TLK2: variants seen among roughly 807,000 people sequenced by gnomAD.
TLK2 encodes the protein tousled like kinase 2, also known as serine/threonine-protein kinase tousled-like 2.
A neutral mutation model predicts 117.3 loss-of-function variants in TLK2; 6 were observed. The observed-to-expected ratio is 0.05, with a 90% confidence interval of 0.03 to 0.10. TLK2 has a LOEUF of 0.10. TLK2 is among the 10% of genes least tolerant of loss of function. The probability of loss-of-function intolerance (pLI) is 1.00; values close to 1 mark genes in which losing one functional copy is unlikely to be tolerated. For missense variants in TLK2, 299 were observed against 901.2 expected, an observed-to-expected ratio of 0.33 and a Z score of 8.56; for synonymous variants, 257 against 316.7, an observed-to-expected ratio of 0.81 and a Z score of 2.00.
intron 7 of TLK2, among the ~76,000 whole-genome samples, chr17:62,549,365 C>T (rs2078206531): frequency 2.1e-5 from 2 of 97,338 alleles, no homozygotes; most frequent in East Asian, 7.3e-4. Flanking sequence ...TGCCACTACA[C>T]TCCAGCCTAA....
Position 62,592,635 on chromosome 17 carries a change from T to C in TLK2, c.1461-3950T>C, listed in dbSNP as rs1054317833. 2.2e-4 allele frequency among the ~76,000 whole-genome samples: 33 copies of C among 152,330 alleles called. 1 individual carries two copies. Among genetic ancestry groups the C allele is most frequent in the Admixed American group, 2.0e-3 (30 of 15,304 alleles). ...TGTAGGCCAGTGGTTTCCAGCCTTT[T>C]TGGCACCAGCGACCGGTTTTGTGGA... On this transcript the variant is annotated intron_variant, in intron 16 of 21. Coordinates refer to ENST00000346027, the MANE Select transcript of TLK2 (RefSeq NM_006852.6).
At chr17:62,487,848 T>C (rs1399932424) in intron 2 of TLK2, among the ~76,000 whole-genome samples, 1 of 151,976 alleles carries the variant, frequency 6.6e-6, no homozygotes, top group African/African-American at 2.4e-5. Flanking sequence ...TTCTTGAACT[T>C]CCGACCTCAA....
chr17:62,515,415 A>G (rs1300000912), intron 2 of TLK2, among the ~76,000 whole-genome samples: 11 of 152,204 alleles, frequency 7.2e-5, no homozygotes, highest in Non-Finnish European at 1.5e-4. Context: ...CATAGTGGCT[A>G]TGCCATTTTA....
chr17:62,546,129 G>A (rs1235434594), intron 7 of TLK2, among the ~76,000 whole-genome samples: 2 of 151,948 alleles, frequency 1.3e-5, no homozygotes, highest in Admixed American at 6.6e-5. Context: ...TGATCTGCCC[G>A]CCTTGGCCTC....
intron 17 of TLK2, 73 bp downstream of exon 17, chr17:62,596,747 T>A: frequency 7.5e-7 from 1 of 1,341,398 alleles, no homozygotes; most frequent in Non-Finnish European, 1.1e-6. Context: ...GGAATAGAGC[T>A]GAACTCTGGG....
chr17:62,595,969 G>A (rs937736674), intron 16 of TLK2, among the ~76,000 whole-genome samples: 9 of 152,210 alleles, frequency 5.9e-5, no homozygotes, highest in Admixed American at 1.3e-4. Context: ...TAAAATCTAT[G>A]ATACTTGAGT....
Position 62,586,157 on chromosome 17 carries a change from G to A in TLK2, c.1391G>A (p.Arg464Lys), listed in dbSNP as rs765234207. The change falls in exon 16 of 22, where the codon AGA becomes AAA. Residue 464 changes from arginine (R) to lysine (K), a missense_variant. Arg to Lys is a conservative substitution (Grantham distance 26). Transcript: ENST00000346027. Reference protein sequence around the residue: ...VYKAFDLTEQRYVAVKIHQLN... With the variant: ...VYKAFDLTEQKYVAVKIHQLN... ...TAGGCATTTGATCTAACAGAGCAAA[G>A]ATACGTAGCTGTGAAAATTCACCAG... The A allele has an allele frequency of 6.2e-7, 1 of 1,613,550 alleles. No individual in the cohort carries two copies. Among genetic ancestry groups the A allele is most frequent in the Non-Finnish European group, 8.5e-7 (1 of 1,179,728 alleles).
chr17:62,538,784 T>C (rs1237363009), intron 7 of TLK2, among the ~76,000 whole-genome samples: 1 of 152,250 alleles, frequency 6.6e-6, no homozygotes, highest in African/African-American at 2.4e-5. Context: ...GGTACAGTTT[T>C]GTTTCTCTTT....
chr17:62,553,937 C>G (rs890078923), intron 9 of TLK2, among the ~76,000 whole-genome samples, 182 bp downstream of exon 9: 1 of 152,092 alleles, frequency 6.6e-6, no homozygotes, highest in African/African-American at 2.4e-5. Context: ...TAAACACTAC[C>G]TTTAAATTGG....
intron 13 of TLK2, among the ~76,000 whole-genome samples, chr17:62,578,058 A>T (rs1473460368): frequency 6.6e-6 from 1 of 152,232 alleles, no homozygotes; most frequent in Non-Finnish European, 1.5e-5. Flanking sequence ...AAAAAATAAA[A>T]ATAAGTAGAA....
At chr17:62,494,661 C>A (rs2073464769) in intron 2 of TLK2, among the ~76,000 whole-genome samples, 1 of 152,152 alleles carries the variant, frequency 6.6e-6, no homozygotes, top group Non-Finnish European at 1.5e-5. Flanking sequence ...GCCTTGGCCT[C>A]CCAAAGTGCT....
intron 2 of TLK2, among the ~76,000 whole-genome samples, chr17:62,487,923 G>A (rs2072638868): frequency 6.9e-6 from 1 of 144,860 alleles, no homozygotes; most frequent in Non-Finnish European, 1.5e-5. Flanking sequence ...GCGCCCGGCG[G>A]CAAGTATCTT....
At position 62,553,822 on chromosome 17, in the gene TLK2, A is replaced by G. The variant is rs878879028; in HGVS notation, c.720+67A>G. 68 of 1,027,460 alleles carry G rather than the reference A, an allele frequency of 6.6e-5. No homozygotes were observed. The South Asian group carries it at 8.1e-4, about 12-fold the overall frequency. The allele number at this position is 1,027,460 out of a possible 1,614,324, so 63.6% of individuals were successfully genotyped here. ...TGTTATATATATTTGGATTATGTAC[A>G]TATCATAGAAGTAATTACTATAGCC... On this transcript the variant is annotated intron_variant, in intron 9 of 21. Coordinates refer to ENST00000346027, the MANE Select transcript of TLK2 (RefSeq NM_006852.6).
Position 62,600,681 on chromosome 17 carries a change from A to G in TLK2, c.1581A>G (p.Gly527=), listed in dbSNP as rs762482386. The change falls in exon 18 of 22, where the codon GGA becomes GGG. Residue 527 remains glycine (G), a synonymous_variant. Transcript: ENST00000346027. ...SFCTVLEYCE[G]NDLDFYLKQH... is the part of the protein sequence containing the mutation. The stretch of plus-strand genomic sequence containing the variant: ...GTACAGTATTAGAATACTGTGAGGG[A>G]AATGATCTGGACTTCTACCTGAAAC... 1 of 1,611,016 alleles carries G rather than the reference A, an allele frequency of 6.2e-7. No homozygotes were observed. The highest frequency in any genetic ancestry group is 1.7e-5 in the Admixed American group (1 of 59,650).
intron 7 of TLK2, among the ~76,000 whole-genome samples, chr17:62,549,121 C>A (rs1462289766): frequency 6.8e-6 from 1 of 146,656 alleles, no homozygotes; most frequent in Non-Finnish European, 1.5e-5. Context: ...GGGCCGGGCG[C>A]GGTGGCTCAC....
intron 2 of TLK2, among the ~76,000 whole-genome samples, chr17:62,481,653 C>G (rs1310026717): frequency 6.6e-6 from 1 of 152,134 alleles, no homozygotes; most frequent in East Asian, 1.9e-4. Context: ...CACCCCCAGA[C>G]TGGTTTGTTG....
rs533245659 is a variant in TLK2 at position 62,565,747 on chromosome 17, A to G, written c.968+610A>G. On this transcript the variant is annotated intron_variant, in intron 11 of 21. Transcript: ENST00000346027. ...AGAAAAACCTAGGGTTTGACTTTCT[A>G]TCTTTCTAATTATATAATGAATTTT... 5.7e-4 allele frequency among the ~76,000 whole-genome samples: 86 copies of G among 152,156 alleles called. No homozygotes were observed. The East Asian group carries it at 6.0e-3, about 11-fold the overall frequency.
intron 10 of TLK2, 70 bp downstream of exon 10, chr17:62,560,196 A>G: frequency 2.1e-6 from 2 of 950,478 alleles, no homozygotes; most frequent in Non-Finnish European, 1.5e-6. Context: ...GTGGCTTCTT[A>G]TTCCTTACTT....
chr17:62,515,454 C>T (rs1009045141), intron 2 of TLK2, among the ~76,000 whole-genome samples: 1 of 152,126 alleles, frequency 6.6e-6, no homozygotes, highest in African/African-American at 2.4e-5. Context: ...GCAAGTATTC[C>T]AGTTACTCCA....
Sources: gnomAD v4.1 joint callset for allele counts (sites outside exome capture counted in the v4.1 genomes callset) on GRCh38, gnomAD v4.1.1 for gene constraint, MANE v1.5 for transcripts, NCBI Gene and HGNC (gene_info 2026-07-23, HGNC 2026-07-21) for gene names.